ARID1B: variants seen among roughly 807,000 people sequenced by gnomAD.
The protein encoded by ARID1B is AT-rich interaction domain 1B, also known as AT-rich interactive domain-containing protein 1B.
Under a neutral mutation model 212.3 loss-of-function variants are expected in ARID1B, and 30 were observed. That is an observed-to-expected ratio of 0.14 (90% CI 0.11 to 0.19). ARID1B has a LOEUF of 0.19. ARID1B is among the 10% of genes least tolerant of loss of function. ARID1B has a pLI of 1.00. For missense variants in ARID1B, 2,891 were observed against 3,204.0 expected (o/e 0.90, Z 2.36); for synonymous variants, 1,402 against 1,301.7 (o/e 1.08, Z -1.66).
At chr6:156,800,887 C>A (rs753851038) in intron 1 of ARID1B, among the ~76,000 whole-genome samples, 85 of 151,938 alleles carry the variant, frequency 5.6e-4, no homozygotes, top group Non-Finnish European at 1.1e-3. Context: ...AGAGAAAGAC[C>A]GTGTCTCTTA....
chr6:157,125,921 C>T (rs1225391367), intron 6 of ARID1B, among the ~76,000 whole-genome samples: 1 of 152,126 alleles, frequency 6.6e-6, no homozygotes, highest in Non-Finnish European at 1.5e-5. Context: ...TTATTTTTCC[C>T]TATTGATAGG....
In ARID1B at chr6:157,208,419, A is replaced by C; in HGVS notation, c.*528A>C. On this transcript the variant is annotated 3_prime_UTR_variant, in exon 20 of 20. Coordinates refer to ENST00000636930, the MANE Select transcript of ARID1B (RefSeq NM_001374828.1). ...TCTACAGATACAGGTATAGGGGCTC[A>C]AGGAGGTATGTCGGTCAGTAGTCAA... is the stretch of plus-strand genomic sequence containing the variant. The C allele has an allele frequency of 8.6e-6, 2 of 233,452 alleles. No individual in the cohort carries two copies. 14.5% of individuals were successfully genotyped at this position (233,452 alleles called of 1,614,324 possible). A position where few individuals can be genotyped will look rare whatever the true frequency, so the allele number is the denominator to read the frequency against.
intron 2 of ARID1B, among the ~76,000 whole-genome samples, chr6:156,879,722 T>C (rs1255978681): frequency 6.6e-6 from 1 of 152,204 alleles, no homozygotes; most frequent in Non-Finnish European, 1.5e-5. Context: ...GTTTATATCA[T>C]TGTTTTTGTA....
intron 11 of ARID1B, among the ~76,000 whole-genome samples, chr6:157,179,197 C>A (rs1169799444): frequency 6.6e-6 from 1 of 152,000 alleles, no homozygotes; most frequent in Non-Finnish European, 1.5e-5. Flanking sequence ...AAACTCTATA[C>A]TAAAATTTAG....
chr6:157,059,640 G>A (rs140637756), intron 4 of ARID1B, among the ~76,000 whole-genome samples: 6 of 152,264 alleles, frequency 3.9e-5, no homozygotes, highest in African/African-American at 1.4e-4. Context: ...GAAAGCTCTG[G>A]GGTTAAACAA....
intron 4 of ARID1B, among the ~76,000 whole-genome samples, chr6:156,997,438 A>G (rs546111681): frequency 6.6e-6 from 1 of 152,312 alleles, no homozygotes; most frequent in East Asian, 1.9e-4. Flanking sequence ...ACAATTCTTT[A>G]TATCGTCACT....
At chr6:157,016,525 T>C (rs1032037034) in intron 4 of ARID1B, among the ~76,000 whole-genome samples, 2 of 152,206 alleles carry the variant, frequency 1.3e-5, no homozygotes, top group African/African-American at 2.4e-5. Context: ...AAAAAAAATA[T>C]CGATTCCCAG....
intron 4 of ARID1B, among the ~76,000 whole-genome samples, chr6:157,080,558 T>C (rs907973199): frequency 2.6e-5 from 4 of 152,236 alleles, no homozygotes; most frequent in South Asian, 2.1e-4. Context: ...TTGTGGGATG[T>C]CCCATCTTTA....
intron 5 of ARID1B, among the ~76,000 whole-genome samples, chr6:157,109,886 T>C (rs1476906254): frequency 6.6e-6 from 1 of 152,240 alleles, no homozygotes; most frequent in Non-Finnish European, 1.5e-5. Context: ...GCTATTGCTG[T>C]ATTAGCAATA....
chr6:157,186,221 A>AGGGC (rs1792963314), intron 13 of ARID1B: 1 of 333,032 alleles, frequency 3.0e-6, no homozygotes. Flanking sequence ...CAGAAAGTGG[A>AGGGC]GGGCCTGTTC....
rs1414922633 is a variant in ARID1B, at chr6:157,039,878, T to C, written c.2248-44784T>C. On this transcript the variant is annotated intron_variant, in intron 4 of 19. Transcript: ENST00000636930. Reference sequence around the variant, plus strand: ...TCTCTTTCTCTCTCTTTCTCTTTCTTTTCTCTTCCTTCCTTCCTTCCTTCC... The same window carrying C: ...TCTCTTTCTCTCTCTTTCTCTTTCTCTTCTCTTCCTTCCTTCCTTCCTTCC... 2.3e-3 allele frequency among the ~76,000 whole-genome samples: 207 copies of C among 91,914 alleles called. 1 individual carries two copies. The highest frequency in any genetic ancestry group is 5.7e-3 in the Middle Eastern group (1 of 176). The allele number at this position is 91,914 out of a possible 152,430, so 60.3% of individuals were successfully genotyped here.
intron 2 of ARID1B, among the ~76,000 whole-genome samples, chr6:156,888,933 G>A (rs1787724629): frequency 6.6e-6 from 1 of 152,094 alleles, no homozygotes; most frequent in Non-Finnish European, 1.5e-5. Flanking sequence ...TGTTTTAAAT[G>A]CAAATATTGA....
intron 6 of ARID1B, among the ~76,000 whole-genome samples, chr6:157,123,777 G>T (rs1787941763): frequency 6.6e-6 from 1 of 152,388 alleles, no homozygotes; most frequent in South Asian, 2.1e-4. Flanking sequence ...TCTAGTGTGT[G>T]CAAGCACTGA....
chr6:157,047,494 C>T (rs1311641269), intron 4 of ARID1B, among the ~76,000 whole-genome samples: 1 of 152,024 alleles, frequency 6.6e-6, no homozygotes, highest in African/African-American at 2.4e-5. Context: ...TCGCGGCTGT[C>T]CCAAGATCTA....
intron 2 of ARID1B, among the ~76,000 whole-genome samples, chr6:156,832,012 A>G (rs1469284873): frequency 6.6e-6 from 1 of 152,224 alleles, no homozygotes; most frequent in African/African-American, 2.4e-5. Context: ...GAAATATAGT[A>G]TCTTGTTTTA....
rs757656920 is a variant in ARID1B, at chr6:157,070,344, T to G, written c.2248-14318T>G. On this transcript the variant is annotated intron_variant, in intron 4 of 19. Transcript: ENST00000636930. ...GAATAAAAATCTATATTGGAATTAT[T>G]GTAAGTTTTGATATTCTAAATTGCT... 6.4e-4 allele frequency among the ~76,000 whole-genome samples: 98 copies of G among 152,308 alleles called. No homozygotes were observed. In the Middle Eastern group the frequency reaches 0.024, roughly 37 times the overall value.
chr6:156,786,972 G>A (rs1779682715), intron 1 of ARID1B, among the ~76,000 whole-genome samples: 1 of 150,260 alleles, frequency 6.7e-6, no homozygotes, highest in East Asian at 1.9e-4. Flanking sequence ...TTCCGGTGGG[G>A]CAGTATATTT....
intron 2 of ARID1B, among the ~76,000 whole-genome samples, chr6:156,834,828 T>A (rs1305669858): frequency 6.6e-6 from 1 of 152,226 alleles, no homozygotes; most frequent in Non-Finnish European, 1.5e-5. Flanking sequence ...CATGAAGGTA[T>A]TTAAGGTTTA....
At chr6:156,916,443 G>T (rs1790363714) in intron 3 of ARID1B, among the ~76,000 whole-genome samples, 1 of 151,992 alleles carries the variant, frequency 6.6e-6, no homozygotes, top group Admixed American at 6.6e-5. Flanking sequence ...CTTTTAAAAA[G>T]CATCTATTTT....
Sources: allele counts gnomAD v4.1 joint callset (sites outside exome capture counted in the v4.1 genomes callset), GRCh38; gene constraint gnomAD v4.1.1; transcripts MANE v1.5; gene names NCBI Gene and HGNC (gene_info 2026-07-23, HGNC 2026-07-21).